The following BFSP2 variants were observed in gnomAD, a reference collection of about 807,000 sequenced individuals.
BFSP2 encodes phakinin.
Under a neutral mutation model 44.9 loss-of-function variants are expected in BFSP2, and 38 were observed. That is an observed-to-expected ratio of 0.85 (90% CI 0.65 to 1.11). BFSP2 has a LOEUF of 1.11. BFSP2 is among the 50% of genes least tolerant of loss of function. The pLI is 0.00. For synonymous variants in BFSP2, 197 were observed against 209.9 expected, an observed-to-expected ratio of 0.94 and a Z score of 0.53; for missense variants, 525 against 533.0, an observed-to-expected ratio of 0.99 and a Z score of 0.15.
intron 1 of BFSP2, among the ~76,000 whole-genome samples, chr3:133,406,308 T>C (rs1033888207): frequency 2.0e-5 from 3 of 152,112 alleles, no homozygotes; most frequent in African/African-American, 7.2e-5. Flanking sequence ...GTTGAATGTG[T>C]CTGGAAAGCA....
intron 1 of BFSP2, among the ~76,000 whole-genome samples, chr3:133,432,186 A>C (rs991027614): frequency 1.3e-5 from 2 of 152,172 alleles, no homozygotes; most frequent in Non-Finnish European, 2.9e-5. Flanking sequence ...TAAAACCTAT[A>C]AACTCTCCTT....
intron 4 of BFSP2, among the ~76,000 whole-genome samples, chr3:133,452,926 T>G (rs903818379): frequency 2.0e-5 from 3 of 152,216 alleles, no homozygotes; most frequent in Non-Finnish European, 2.9e-5. Context: ...AGGTCATTAT[T>G]ATCTCCTCCT....
intron 1 of BFSP2, among the ~76,000 whole-genome samples, chr3:133,403,362 C>A (rs557266072): frequency 1.9e-4 from 29 of 152,310 alleles, no homozygotes; most frequent in Admixed American, 1.0e-3. Context: ...GCCTCTTCCC[C>A]CCCTTGTCCA....
At chr3:133,409,815 G>C (rs1055998968) in intron 1 of BFSP2, 4 of 152,152 alleles carry the variant, frequency 2.6e-5, no homozygotes, top group Non-Finnish European at 5.9e-5. Flanking sequence ...AACTCCATGG[G>C]GACAGAACTC....
chr3:133,404,485 CA>C (rs2107874895), intron 1 of BFSP2, among the ~76,000 whole-genome samples: 1 of 152,286 alleles, frequency 6.6e-6, no homozygotes, highest in African/African-American at 2.4e-5. Context: ...CCCACCCCAC[CA>C]GCAGGACATG....
At chr3:133,435,471 A>G (rs1234817569) in intron 1 of BFSP2, among the ~76,000 whole-genome samples, 1 of 152,192 alleles carries the variant, frequency 6.6e-6, no homozygotes, top group Non-Finnish European at 1.5e-5. Context: ...TGGTAAAGCT[A>G]TGTTTCATCT....
At chr3:133,417,754 TCA>T (rs2073554941) in intron 1 of BFSP2, among the ~76,000 whole-genome samples, 1 of 128,056 alleles carries the variant, frequency 7.8e-6, no homozygotes, top group African/African-American at 3.0e-5. Flanking sequence ...TCCCCTCTAC[TCA>T]CCTCTGTCAC....
chr3:133,403,045 T>C (rs1423121025), intron 1 of BFSP2, among the ~76,000 whole-genome samples: 1 of 152,194 alleles, frequency 6.6e-6, no homozygotes, highest in Non-Finnish European at 1.5e-5. Flanking sequence ...GAAATGCTCC[T>C]GATTTTTTCA....
At chr3:133,411,067 T>C (rs1189728718) in intron 1 of BFSP2, among the ~76,000 whole-genome samples, 2 of 151,996 alleles carry the variant, frequency 1.3e-5, no homozygotes, top group Non-Finnish European at 2.9e-5. Context: ...TTTTCAAATA[T>C]TAAAGTAAGT....
rs190627417 is a variant in BFSP2, at chr3:133,450,434, G to T, written c.861G>T (p.Arg287=). 1 of 1,614,104 alleles carries T rather than the reference G, an allele frequency of 6.2e-7. No homozygotes were observed. The highest frequency in any genetic ancestry group is 2.2e-5 in the East Asian group (1 of 44,862). ...GGGAGAGAGATGTTGAAAAGAACCG[G>T]GTGGAGGCAGGAGCCCTGCTCCAAG... ...IQWERDVEKN[R]VEAGALLQAK... The change falls in exon 4 of 7, where the codon CGG becomes CGT. Residue 287 remains arginine, a synonymous_variant. Transcript: ENST00000302334.
chr3:133,433,497 G>A (rs1162863482), intron 1 of BFSP2, among the ~76,000 whole-genome samples: 2 of 152,026 alleles, frequency 1.3e-5, no homozygotes, highest in Non-Finnish European at 2.9e-5. Context: ...CCCCCACCCA[G>A]GACTGGCAAA....
intron 4 of BFSP2, among the ~76,000 whole-genome samples, chr3:133,460,950 A>C (rs2074056653): frequency 6.6e-6 from 1 of 152,262 alleles, no homozygotes; most frequent in African/African-American, 2.4e-5. Context: ...CAGAAGACAC[A>C]TGAGGCAGAC....
At chr3:133,444,106 A>T (rs1351337590) in intron 1 of BFSP2, among the ~76,000 whole-genome samples, 1 of 151,748 alleles carries the variant, frequency 6.6e-6, no homozygotes, top group Admixed American at 6.6e-5. Context: ...ATATATATGT[A>T]TATATATACA....
At chr3:133,441,098 G>C (rs935966387) in intron 1 of BFSP2, among the ~76,000 whole-genome samples, 4 of 145,228 alleles carry the variant, frequency 2.8e-5, no homozygotes, top group Non-Finnish European at 4.5e-5. Context: ...AGAGTGCAAT[G>C]GCGCCATCTC....
intron 1 of BFSP2, among the ~76,000 whole-genome samples, chr3:133,403,359 C>T (rs2073377549): frequency 6.6e-6 from 1 of 152,128 alleles, no homozygotes. Flanking sequence ...GCTGCCTCTT[C>T]CCCCCCTTGT....
intron 1 of BFSP2, among the ~76,000 whole-genome samples, chr3:133,441,185 A>C (rs939407964): frequency 6.6e-6 from 1 of 151,924 alleles, no homozygotes; most frequent in Admixed American, 6.6e-5. Flanking sequence ...GATTACAGGC[A>C]CACCCACGCC....
At position 133,400,202 on chromosome 3, in the gene BFSP2, CA is replaced by C; in HGVS notation, c.120del (p.Ala41ProfsTer7). On this transcript the variant is annotated frameshift_variant, in exon 1 of 7. Transcript: ENST00000302334. LOFTEE classifies it high-confidence loss of function. This position sits in a 1 kb window ranked among gnomAD's most constrained non-coding sequence, Gnocchi z 4.0. Reference sequence around the variant, plus strand: ...TCATCATCCTCCCTGGAGAGCCCCCCAGCCTCCAGGACCAATGCCATGAGTG... The same window carrying C: ...TCATCATCCTCCCTGGAGAGCCCCCCGCCTCCAGGACCAATGCCATGAGTG... Reference protein sequence around the residue: ...PRSSSSLESPPASRTNAMSGL... With the variant: ...PRSSSSLESPXASRTNAMSGL... 1 of 1,614,114 alleles carries C rather than the reference CA, an allele frequency of 6.2e-7. No individual in the cohort carries two copies. The highest frequency in any genetic ancestry group is 8.5e-7 in the Non-Finnish European group (1 of 1,180,020).
intron 1 of BFSP2, among the ~76,000 whole-genome samples, chr3:133,424,191 G>A (rs1306898507): frequency 1.8e-5 from 2 of 110,226 alleles, no homozygotes; most frequent in Non-Finnish European, 4.0e-5. Context: ...GATTACAGGC[G>A]CCTACCACCG....
At chr3:133,404,847 C>T (rs563145514) in intron 1 of BFSP2, 9 of 152,336 alleles carry the variant, frequency 5.9e-5, no homozygotes, top group African/African-American at 2.2e-4. Context: ...TCCTCCCACT[C>T]CTCAGCTGTG....
Sources: allele counts gnomAD v4.1 joint callset (sites outside exome capture counted in the v4.1 genomes callset), GRCh38; gene constraint gnomAD v4.1.1; non-coding constraint Gnocchi (gnomAD v3.1); transcripts MANE v1.5; gene names NCBI Gene and HGNC (gene_info 2026-07-23, HGNC 2026-07-21).